PREX1: variants seen among roughly 807,000 people sequenced by gnomAD.
The protein encoded by PREX1 is phosphatidylinositol-3,4,5-trisphosphate dependent Rac exchange factor 1.
Under a neutral mutation model 198.3 loss-of-function variants are expected in PREX1, and 41 were observed. The ratio of observed to expected loss-of-function variants is 0.21; its 90% CI spans 0.16 to 0.27. The LOEUF is 0.27. PREX1 is among the 10% of genes least tolerant of loss of function. The pLI is 1.00. For missense variants in PREX1, 1,620 were observed against 2,200.7 expected, an observed-to-expected ratio of 0.74 and a Z score of 5.28; for synonymous variants, 843 against 887.2, an observed-to-expected ratio of 0.95 and a Z score of 0.89.
intron 1 of PREX1, among the ~76,000 whole-genome samples, chr20:48,816,718 C>T (rs150380294): frequency 4.8e-4 from 73 of 152,236 alleles, no homozygotes; most frequent in African/African-American, 1.5e-3. Flanking sequence ...CCACAATGCA[C>T]GCAACTAAAT....
At chr20:48,730,448 C>CA (rs60599049) in intron 4 of PREX1, among the ~76,000 whole-genome samples, 1 of 147,866 alleles carries the variant, frequency 6.8e-6, no homozygotes, top group African/African-American at 2.6e-5. Context: ...CACACACACA[C>CA]GCACATCCTG....
At chr20:48,801,822 G>C (rs1226606124) in intron 1 of PREX1, among the ~76,000 whole-genome samples, 1 of 152,230 alleles carries the variant, frequency 6.6e-6, no homozygotes, top group Non-Finnish European at 1.5e-5. Flanking sequence ...CCCCTCATGA[G>C]TGGGCTGGTG....
At chr20:48,886,458 A>AC in the PREX1 span, among the ~76,000 whole-genome samples, 1 of 151,854 alleles carries the variant, frequency 6.6e-6, no homozygotes, top group Admixed American at 6.6e-5. Context: ...TGAGCCAAAT[A>AC]CCCCCACCAT....
At chr20:48,859,589 G>A in the PREX1 span, among the ~76,000 whole-genome samples, 2 of 152,188 alleles carry the variant, frequency 1.3e-5, no homozygotes, top group African/African-American at 4.8e-5. Context: ...ATTTGAACCT[G>A]TATGCATTAC....
chr20:48,724,805 A>C (rs1422461400), intron 5 of PREX1, among the ~76,000 whole-genome samples: 1 of 152,250 alleles, frequency 6.6e-6, no homozygotes, highest in East Asian at 1.9e-4. Context: ...CACACAAAGC[A>C]CATCTGCAGG....
At chr20:48,820,675 T>C (rs4810881) in intron 1 of PREX1, among the ~76,000 whole-genome samples, 1 of 151,862 alleles carries the variant, frequency 6.6e-6, no homozygotes, top group Non-Finnish European at 1.5e-5. Context: ...AGTGGATACC[T>C]GGAATATCTG....
At chr20:48,884,001 G>A in the PREX1 span, among the ~76,000 whole-genome samples, 4 of 152,120 alleles carry the variant, frequency 2.6e-5, no homozygotes, top group Non-Finnish European at 2.9e-5. Flanking sequence ...CTAGCCAGGC[G>A]TGGTGGTGGA....
chr20:48,804,513 C>T (rs2090402184), intron 1 of PREX1, among the ~76,000 whole-genome samples: 1 of 152,216 alleles, frequency 6.6e-6, no homozygotes, highest in South Asian at 2.1e-4. Flanking sequence ...CAGGAGTGTG[C>T]TGGGCACTTT....
chr20:48,702,789 C>CT (rs2089882268), intron 6 of PREX1, among the ~76,000 whole-genome samples: 1 of 152,262 alleles, frequency 6.6e-6, no homozygotes, highest in African/African-American at 2.4e-5. Flanking sequence ...CCTGAGGCCG[C>CT]TGCATCGCTT....
At chr20:48,698,703 G>A (rs1409202955) in intron 7 of PREX1, among the ~76,000 whole-genome samples, 2 of 152,284 alleles carry the variant, frequency 1.3e-5, no homozygotes, top group African/African-American at 4.8e-5. Flanking sequence ...GAACAGGGGG[G>A]AAAGGGCAAT....
At chr20:48,651,302 G>A in intron 22 of PREX1, 94 bp downstream of exon 22, 1 of 1,479,766 alleles carries the variant, frequency 6.8e-7, no homozygotes, top group Admixed American at 2.3e-5. Context: ...ATGGGATTCG[G>A]GTGTCCCACC....
Position 48,649,250 on chromosome 20 carries a change from T to C in PREX1, c.3305+50A>G, listed in dbSNP as rs181260784. On this transcript the variant is annotated intron_variant, in intron 25 of 39. Coordinates refer to ENST00000371941, the MANE Select transcript of PREX1 (RefSeq NM_020820.4). Reference sequence around the variant, plus strand: ...ACCCACAATGTCAGTAAGGCCAGGATTGAGAACACCTGCCCCTGCTCACGC... The same window carrying C: ...ACCCACAATGTCAGTAAGGCCAGGACTGAGAACACCTGCCCCTGCTCACGC... 3.7e-3 allele frequency: 5,936 copies of C among 1,582,950 alleles called. 19 individuals are homozygous for C. The highest frequency in any genetic ancestry group is 4.5e-3 in the Non-Finnish European group (5,172 of 1,162,028).
At chr20:48,796,101 G>C (rs1006357758) in intron 1 of PREX1, among the ~76,000 whole-genome samples, 1 of 152,074 alleles carries the variant, frequency 6.6e-6, no homozygotes, top group African/African-American at 2.4e-5. Context: ...TTTTCTACAA[G>C]AAGAATGCAT....
At chr20:48,642,694 C>A in intron 27 of PREX1, 1 of 538,986 alleles carries the variant, frequency 1.9e-6, no homozygotes, top group Non-Finnish European at 3.3e-6. Context: ...AAATGGACAA[C>A]AGGCACTAAC....
At chr20:48,846,563 C>T in the PREX1 span, among the ~76,000 whole-genome samples, 1 of 152,322 alleles carries the variant, frequency 6.6e-6, no homozygotes, top group South Asian at 2.1e-4. Flanking sequence ...TGGTCTTGCC[C>T]TGCCCACTCC....
the PREX1 span, among the ~76,000 whole-genome samples, chr20:48,862,790 A>AAAAAAAAAAAAAATATATAT: frequency 9.7e-6 from 1 of 102,584 alleles, no homozygotes; most frequent in African/African-American, 4.4e-5. Flanking sequence ...TAAAAAAAAA[A>AAAAAAAAAAAAAATATATAT]ATATATATAT....
chr20:48,731,030 G>A (rs2090032749), intron 4 of PREX1, among the ~76,000 whole-genome samples: 1 of 151,986 alleles, frequency 6.6e-6, no homozygotes, highest in South Asian at 2.1e-4. Flanking sequence ...AAAAATTTCA[G>A]ACTCTTTCCA....
At chr20:48,661,466 TATACAC>T (rs1328157745) in intron 15 of PREX1, among the ~76,000 whole-genome samples, 5 of 101,354 alleles carry the variant, frequency 4.9e-5, no homozygotes, top group African/African-American at 2.8e-4. Flanking sequence ...TATATATATA[TATACAC>T]ACACATATAT....
rs2089252747 is a variant in PREX1, at chr20:48,624,391, CG to C, written c.*1493del. ...CCCATTTCCCGCAGCAGGGCTAAAG[CG>C]GGTCCTCCTTTGTCTCTGATGCAAG... On this transcript the variant is annotated 3_prime_UTR_variant, in exon 40 of 40. Coordinates refer to ENST00000371941, the MANE Select transcript of PREX1 (RefSeq NM_020820.4). 2.0e-5 allele frequency: 3 copies of C among 152,822 alleles called. No homozygotes were observed. The highest frequency in any genetic ancestry group is 6.5e-5 in the Admixed American group (1 of 15,308). 9.5% of individuals were successfully genotyped at this position (152,822 alleles called of 1,614,324 possible).
Sources: gnomAD v4.1 joint callset for allele counts (sites outside exome capture counted in the v4.1 genomes callset) on GRCh38, gnomAD v4.1.1 for gene constraint, MANE v1.5 for transcripts, NCBI Gene and HGNC (gene_info 2026-07-23, HGNC 2026-07-21) for gene names.